Variants in ACTR3C observed in about 807,000 individuals in gnomAD.
ACTR3C encodes the protein actin related protein 3C, also known as actin-related protein 3C.
A neutral mutation model predicts 26.3 loss-of-function variants in ACTR3C; 18 were observed. The observed-to-expected ratio is 0.68, with a 90% CI of 0.47 to 1.01. The LOEUF is 1.01. Among genes scored for constraint, ACTR3C ranks in the 50% least tolerant of loss-of-function variants. The pLI is 0.00. For missense variants in ACTR3C, 184 were observed against 250.7 expected, an observed-to-expected ratio of 0.73 and a Z score of 1.80; for synonymous variants, 55 against 94.5, an observed-to-expected ratio of 0.58 and a Z score of 2.42.
chr7:150,072,419 G>A, the ACTR3C span, among the ~76,000 whole-genome samples: 2 of 125,006 alleles, frequency 1.6e-5, no homozygotes, highest in African/African-American at 5.7e-5. Context: ...GGGTGTATTC[G>A]GGGGAATTGT....
chr7:150,004,043 G>A, the ACTR3C span, among the ~76,000 whole-genome samples: 3 of 150,968 alleles, frequency 2.0e-5, no homozygotes, highest in South Asian at 6.2e-4. Context: ...TGTGTATGGT[G>A]TGTATGATGT....
downstream of ACTR3C, chr7:150,245,441 A>G (rs950831143): frequency 1.3e-5 from 2 of 152,140 alleles, no homozygotes; most frequent in East Asian, 1.9e-4. Context: ...TGTCATCTCA[A>G]TGTGTGGCTT....
chr7:150,312,075 A>C (rs1796374476), intron 1 of ACTR3C, among the ~76,000 whole-genome samples: 1 of 152,202 alleles, frequency 6.6e-6, no homozygotes, highest in South Asian at 2.1e-4. Context: ...AACGGATCTT[A>C]TTGCTAAAGA....
the ACTR3C span, among the ~76,000 whole-genome samples, chr7:150,092,322 T>C: frequency 6.7e-6 from 1 of 150,130 alleles, no homozygotes; most frequent in African/African-American, 2.5e-5. Flanking sequence ...GAAATGGCAG[T>C]CAAGAAATCT....
chr7:150,304,920 C>CT (rs1795689561), intron 1 of ACTR3C, among the ~76,000 whole-genome samples: 1 of 152,218 alleles, frequency 6.6e-6, no homozygotes, highest in Non-Finnish European at 1.5e-5. Context: ...GATACAATGT[C>CT]TGCCCGGGCT....
the ACTR3C span, among the ~76,000 whole-genome samples, chr7:149,978,683 C>T: frequency 1.3e-5 from 2 of 151,416 alleles, no homozygotes; most frequent in African/African-American, 2.4e-5. Flanking sequence ...CTAGGAGGAG[C>T]TGTAGATCTG....
rs1795426426 is a variant in ACTR3C at position 150,301,302 on chromosome 7, G to T, written c.-51-5955C>A. ...GTATGAAGATTTCTGAGTACAGCTG[G>T]GGAAGGTTTCTTGCCTCCCAGCAAA... On this transcript the variant is annotated intron_variant, in intron 1 of 7. Transcript: ENST00000683684. Among the ~76,000 whole-genome samples, 5 of 152,260 alleles carry T rather than the reference G, an allele frequency of 3.3e-5. No homozygotes were observed. The South Asian group carries it at 1.0e-3, about 32-fold the overall frequency.
At chr7:150,242,184 C>G (rs2129608476), downstream of ACTR3C, among the ~76,000 whole-genome samples, 1 of 151,218 alleles carries the variant, frequency 6.6e-6, no homozygotes, top group East Asian at 1.9e-4. Context: ...CCACTGCACT[C>G]CAGCCTGGGC....
At chr7:150,253,530 G>A (rs1424989354) in intron 6 of ACTR3C, among the ~76,000 whole-genome samples, 1 of 151,938 alleles carries the variant, frequency 6.6e-6, no homozygotes, top group Non-Finnish European at 1.5e-5. Context: ...TCTCTCCCTG[G>A]TGACATTGCA....
chr7:150,082,173 G>A, the ACTR3C span, among the ~76,000 whole-genome samples: 18,383 of 152,166 alleles, frequency 0.12, 1,256 homozygotes, highest in South Asian at 0.23. Flanking sequence ...ACACTTGCCT[G>A]TTCCTAGACT....
the ACTR3C span, among the ~76,000 whole-genome samples, chr7:150,117,567 A>G: frequency 6.6e-6 from 1 of 152,232 alleles, no homozygotes; most frequent in Non-Finnish European, 1.5e-5. Flanking sequence ...CTCTGAAAGA[A>G]AGGCAGCAGC....
At chr7:150,223,848 C>A in the ACTR3C span, among the ~76,000 whole-genome samples, 1 of 152,196 alleles carries the variant, frequency 6.6e-6, no homozygotes, top group African/African-American at 2.4e-5. Flanking sequence ...CTAGACAGCA[C>A]TCAATTTTTC....
chr7:150,230,388 G>A, the ACTR3C span, among the ~76,000 whole-genome samples: 1 of 152,136 alleles, frequency 6.6e-6, no homozygotes, highest in Non-Finnish European at 1.5e-5. Context: ...CTATTTCACG[G>A]AATTGGTGCA....
chr7:150,227,427 C>A, the ACTR3C span, among the ~76,000 whole-genome samples: 2 of 150,984 alleles, frequency 1.3e-5, no homozygotes, highest in Non-Finnish European at 2.9e-5. Flanking sequence ...TTTCACTTAG[C>A]ATAATGTCCT....
the ACTR3C span, among the ~76,000 whole-genome samples, chr7:149,920,181 T>C: frequency 6.6e-6 from 1 of 152,180 alleles, no homozygotes. Context: ...AAGTAGATTT[T>C]TCAGTGAGGT....
the ACTR3C span, among the ~76,000 whole-genome samples, chr7:149,934,501 C>A: frequency 6.6e-6 from 1 of 152,174 alleles, no homozygotes; most frequent in Non-Finnish European, 1.5e-5. Flanking sequence ...CCTTTTGTAA[C>A]CCTTAAGTGT....
intron 6 of ACTR3C, among the ~76,000 whole-genome samples, chr7:150,282,506 T>C (rs1327896031): frequency 7.0e-6 from 1 of 141,898 alleles, no homozygotes; most frequent in Non-Finnish European, 1.5e-5. Flanking sequence ...GGACATTCAA[T>C]CCTTCCACCT....
the ACTR3C span, among the ~76,000 whole-genome samples, chr7:150,197,440 G>A: frequency 7.9e-5 from 12 of 152,260 alleles, no homozygotes; most frequent in Admixed American, 1.3e-4. Flanking sequence ...TCTCTTCTTA[G>A]ATTTGGATTA....
At chr7:150,203,727 G>A in the ACTR3C span, among the ~76,000 whole-genome samples, 4 of 152,140 alleles carry the variant, frequency 2.6e-5, no homozygotes, top group African/African-American at 9.6e-5. Context: ...CACCACGCCT[G>A]GCTAATTTTT....
Sources: gnomAD v4.1 joint callset for allele counts (sites outside exome capture counted in the v4.1 genomes callset) on GRCh38, gnomAD v4.1.1 for gene constraint, MANE v1.5 for transcripts, NCBI Gene and HGNC (gene_info 2026-07-23, HGNC 2026-07-21) for gene names.